The following DIP2A variants were observed in gnomAD, a reference collection of about 807,000 sequenced individuals.
DIP2A encodes disco-interacting protein 2 homolog A.
DIP2A carries 85 observed loss-of-function variants against 177.4 expected under a neutral mutation model. That is an observed-to-expected ratio of 0.48 (90% CI 0.40 to 0.57). DIP2A has a LOEUF of 0.57. Among genes scored for constraint, DIP2A ranks in the 20% least tolerant of loss-of-function variants. DIP2A has a pLI of 0.00. For missense variants in DIP2A, 1,791 were observed against 2,100.2 expected, an observed-to-expected ratio of 0.85 and a Z score of 2.88; for synonymous variants, 886 against 881.8, an observed-to-expected ratio of 1.00 and a Z score of -0.08.
chr21:46,543,956 T>A (rs1455294734), intron 18 of DIP2A, among the ~76,000 whole-genome samples: 1 of 152,206 alleles, frequency 6.6e-6, no homozygotes, highest in Non-Finnish European at 1.5e-5. Context: ...TTCTTTTTAC[T>A]GTCTTTGGAG....
Position 46,557,201 on chromosome 21 carries a change from GA to G in DIP2A, c.3629+133del. The G allele has an allele frequency of 9.4e-7, 1 of 1,067,280 alleles. No individual in the cohort carries two copies. The highest frequency in any genetic ancestry group is 1.6e-5 in the African/African-American group (1 of 62,714). The allele number at this position is 1,067,280 out of a possible 1,614,324, so 66.1% of individuals were successfully genotyped here. On this transcript the variant is annotated intron_variant, in intron 30 of 37. Transcript: ENST00000417564. This position sits in a 1 kb window ranked among gnomAD's most constrained non-coding sequence, Gnocchi z 6.0. Reference sequence around the variant, plus strand: ...ATGTGTGTGAGTGGGTTTGTTTGGGGATGAAGTGGGTTGGAGTCTGAGTCTG... The same window carrying G: ...ATGTGTGTGAGTGGGTTTGTTTGGGGTGAAGTGGGTTGGAGTCTGAGTCTG...
intron 8 of DIP2A, among the ~76,000 whole-genome samples, chr21:46,516,584 C>T (rs1180426709): frequency 2.0e-5 from 3 of 146,832 alleles, no homozygotes; most frequent in Non-Finnish European, 3.0e-5. Flanking sequence ...GCTCCGCCTC[C>T]TGGGTTCACG....
intron 1 of DIP2A, among the ~76,000 whole-genome samples, chr21:46,463,532 AT>A (rs2054503850): frequency 6.6e-6 from 1 of 152,076 alleles, no homozygotes; most frequent in South Asian, 2.1e-4. Context: ...CTTTTTCTTG[AT>A]TTCTTATATT....
intron 22 of DIP2A, chr21:46,550,154 C>T (rs1252823342): frequency 3.4e-6 from 3 of 873,650 alleles, no homozygotes; most frequent in East Asian, 2.8e-5. Flanking sequence ...ATTTGAAATG[C>T]ACTCTCACAG....
Position 46,556,019 on chromosome 21 carries a change from G to T in DIP2A, c.3426G>T (p.Arg1142Ser). ...IPKKKIASVFRPPSPDVLAYL... is the reference protein window; with the variant it reads ...IPKKKIASVFSPPSPDVLAYL... ...AAAAGAAGATAGCAAGCGTTTTCAG[G>T]CCCCCCTCCCCCGATGTCCTCGCAT... The change falls in exon 29 of 38, where the codon AGG becomes AGT. Residue 1142 changes from arginine (R) to serine (S), a missense_variant. Transcript: ENST00000417564. This position sits in a 1 kb window ranked among gnomAD's most constrained non-coding sequence, Gnocchi z 4.5. 6.2e-7 allele frequency: 1 copy of T among 1,613,860 alleles called. No homozygotes were observed. Among genetic ancestry groups the T allele is most frequent in the Non-Finnish European group, 8.5e-7 (1 of 1,179,836 alleles).
At chr21:46,534,353 G>T (rs1415322890) in intron 12 of DIP2A, among the ~76,000 whole-genome samples, 1 of 152,170 alleles carries the variant, frequency 6.6e-6, no homozygotes, top group East Asian at 1.9e-4. Flanking sequence ...TTATGAGGGA[G>T]CCCATGGCGC....
the DIP2A span, among the ~76,000 whole-genome samples, chr21:46,579,139 A>C: frequency 6.6e-6 from 1 of 151,946 alleles, no homozygotes; most frequent in African/African-American, 2.4e-5. Flanking sequence ...TTCAGGACTT[A>C]TTATTGGTTT....
chr21:46,462,619 A>T (rs1344660145), intron 1 of DIP2A: 1 of 152,218 alleles, frequency 6.6e-6, no homozygotes, highest in Non-Finnish European at 1.5e-5. Flanking sequence ...TAATTTTTAT[A>T]TATTGTCAAA....
chr21:46,550,730 G>T lies in DIP2A; in HGVS notation c.2825G>T (p.Arg942Leu). 2 of 1,614,002 alleles carry T rather than the reference G, an allele frequency of 1.2e-6. No individual in the cohort carries two copies. The highest frequency in any genetic ancestry group is 1.1e-5 in the South Asian group (1 of 91,070). ...HTCVTNLPKP[R>L]QKQPEVGPAS... ...TGTGTTACCAACCTCCCCAAACCTC[G>T]TCAGAAACAACCAGGTTAGTTGAAC... Residue 942 changes from arginine (R) to leucine (L), a missense_variant, in exon 23 of 38, where the codon CGT (arginine) becomes CTT (leucine). Transcript: ENST00000417564.
chr21:46,465,940 T>C (rs905365560), intron 1 of DIP2A, among the ~76,000 whole-genome samples: 16 of 152,180 alleles, frequency 1.1e-4, no homozygotes, highest in African/African-American at 3.9e-4. Flanking sequence ...CAATCTGCAG[T>C]TATTGAGACT....
chr21:46,478,602 G>A lies in DIP2A; in HGVS notation c.92-6155G>A, dbSNP rs892264503. 7.9e-5 allele frequency among the ~76,000 whole-genome samples: 12 copies of A among 152,046 alleles called. 1 individual carries two copies. The highest frequency in any genetic ancestry group is 1.5e-4 in the Non-Finnish European group (10 of 68,010). On this transcript the variant is annotated intron_variant, in intron 1 of 37. Transcript: ENST00000417564. ...ATTGAGTCTTCAGATTCATGAATGT[G>A]GTATATCCTTTCATTTCTTTAGGTC...
At chr21:46,535,748 C>T (rs1004509513) in intron 13 of DIP2A, among the ~76,000 whole-genome samples, 35 of 152,304 alleles carry the variant, frequency 2.3e-4, no homozygotes, top group African/African-American at 7.7e-4. Context: ...TCTTTGTCTT[C>T]AGCTCAGAGC....
intron 6 of DIP2A, 121 bp downstream of exon 6, chr21:46,504,610 T>C: frequency 8.2e-7 from 1 of 1,218,476 alleles, no homozygotes; most frequent in Non-Finnish European, 1.1e-6. Context: ...TTTTAATCCA[T>C]GCAGATAAAT....
At chr21:46,566,477 C>G (rs1195623633) in intron 36 of DIP2A, 83 bp from the exon 37 acceptor site, 1 of 1,578,846 alleles carries the variant, frequency 6.3e-7, no homozygotes, top group Non-Finnish European at 8.6e-7. Context: ...CCTGAGAGCC[C>G]CTGGTTGGGC....
At chr21:46,459,965 A>C (rs1241375017) in intron 1 of DIP2A, among the ~76,000 whole-genome samples, 1 of 152,016 alleles carries the variant, frequency 6.6e-6, no homozygotes, top group Non-Finnish European at 1.5e-5. Flanking sequence ...TCTGGGCTTC[A>C]CCAGGATGAC....
intron 6 of DIP2A, among the ~76,000 whole-genome samples, chr21:46,506,996 G>A (rs2058048737): frequency 6.6e-6 from 1 of 151,460 alleles, no homozygotes; most frequent in African/African-American, 2.4e-5. Flanking sequence ...AGACCAGGCT[G>A]GTCTTGAACT....
chr21:46,458,979 T>TCGTGCCCGCGCGGGTGCGTTGCC lies in DIP2A; in HGVS notation c.-153_-152insCGTGCCCGCGCGGGTGCGTTGCC. 3.8e-6 allele frequency: 2 copies of TCGTGCCCGCGCGGGTGCGTTGCC among 522,858 alleles called. No individual in the cohort carries two copies. The highest frequency in any genetic ancestry group is 6.0e-6 in the Non-Finnish European group (2 of 331,544). The allele number at this position is 522,858 out of a possible 1,614,324, so 32.4% of individuals were successfully genotyped here. A position where few individuals can be genotyped will look rare whatever the true frequency, so the allele number is the denominator to read the frequency against. On this transcript the variant is annotated 5_prime_UTR_variant, in exon 1 of 38. Transcript: ENST00000417564. ...GCTCGTGCCCGCGCGGGTGCGTTGCTGTCCTGGCCGCGCCCCTGTCCCGCC... is the reference window on the plus strand; with the variant it reads ...GCTCGTGCCCGCGCGGGTGCGTTGCTCGTGCCCGCGCGGGTGCGTTGCCGTCCTGGCCGCGCCCCTGTCCCGCC...
intron 7 of DIP2A, among the ~76,000 whole-genome samples, chr21:46,510,097 C>T (rs2058234145): frequency 6.6e-6 from 1 of 152,200 alleles, no homozygotes; most frequent in African/African-American, 2.4e-5. Flanking sequence ...TTGACTCACA[C>T]GATCACAAGG....
In DIP2A at chr21:46,556,881, C is replaced by T. The variant is rs1486075513; in HGVS notation, c.3499-58C>T. ...TGAACAGCGGACACTGCCATCCACCCTCTCCCCTCCTGAATTTCATTTCAC... is the reference window on the plus strand; with the variant it reads ...TGAACAGCGGACACTGCCATCCACCTTCTCCCCTCCTGAATTTCATTTCAC... On this transcript the variant is annotated intron_variant, in intron 29 of 37. Coordinates refer to ENST00000417564, the MANE Select transcript of DIP2A (RefSeq NM_015151.4). This position sits in a 1 kb window ranked among gnomAD's most constrained non-coding sequence, Gnocchi z 4.5. The T allele has an allele frequency of 1.4e-6, 2 of 1,445,846 alleles. No individual in the cohort carries two copies. Among genetic ancestry groups the T allele is most frequent in the Non-Finnish European group, 1.9e-6 (2 of 1,079,406 alleles). 89.6% of individuals were successfully genotyped at this position (1,445,846 alleles called of 1,614,324 possible).
Sources: allele counts gnomAD v4.1 joint callset (sites outside exome capture counted in the v4.1 genomes callset), GRCh38; gene constraint gnomAD v4.1.1; non-coding constraint Gnocchi (gnomAD v3.1); transcripts MANE v1.5; gene names NCBI Gene and HGNC (gene_info 2026-07-23, HGNC 2026-07-21).